Variants in PRKAG3 observed in about 807,000 individuals in gnomAD.
PRKAG3 encodes the protein protein kinase AMP-activated non-catalytic subunit gamma 3, also known as 5'-AMP-activated protein kinase subunit gamma-3.
PRKAG3 carries 39 observed loss-of-function variants against 56.5 expected under a neutral mutation model. The observed-to-expected ratio is 0.69, with a 90% CI of 0.53 to 0.90. The LOEUF is 0.90. Among genes scored for constraint, PRKAG3 ranks in the 40% least tolerant of loss-of-function variants. The pLI is 0.00. For synonymous variants in PRKAG3, 243 were observed against 250.1 expected (o/e 0.97, Z 0.27); for missense variants, 628 against 627.5 (o/e 1.00, Z -0.01).
In PRKAG3 at chr2:218,830,088, C is replaced by T. The variant is rs202071156; in HGVS notation, c.523G>A (p.Glu175Lys). The T allele has an allele frequency of 7.4e-6, 12 of 1,612,738 alleles. No homozygotes were observed. In the East Asian group the frequency reaches 8.9e-5, roughly 12 times the overall value. ...ATCTGGGCGCCGGGTTTCCGCAGTT[C>T]GTCATCCCAGCCCAGCTTGGGAAAT... Residue 175 changes from glutamate (E) to lysine (K), a missense_variant, in exon 4 of 13, where the codon GAA (glutamate) becomes AAA (lysine). Coordinates refer to ENST00000529249, the Ensembl canonical transcript of PRKAG3.
At chr2:218,829,126 C>T (rs543188884) in intron 4 of PRKAG3, among the ~76,000 whole-genome samples, 6 of 152,162 alleles carry the variant, frequency 3.9e-5, no homozygotes, top group Admixed American at 1.3e-4. Flanking sequence ...TATTTTTTCA[C>T]GAACCATTAG....
chr2:218,825,905 C>T (rs938881898), intron 10 of PRKAG3, among the ~76,000 whole-genome samples: 12 of 151,486 alleles, frequency 7.9e-5, no homozygotes, highest in African/African-American at 2.2e-4. Context: ...TAGAGGTGTG[C>T]GCCACCATGC....
intron 1 of PRKAG3, 150 bp downstream of exon 1, chr2:218,831,588 T>C: frequency 1.8e-6 from 2 of 1,122,936 alleles, no homozygotes; most frequent in Admixed American, 4.1e-5. Context: ...ACAATACATA[T>C]GCCCAAACAT....
At position 218,827,385 on chromosome 2, in the gene PRKAG3, G is replaced by T; in HGVS notation, c.876-12C>A. ...CAGCTTCAAACAGGCTGCAGAGATG[G>T]GAGCAGTGAGCCTCGGGGCAGCCTA... On this transcript the variant is annotated splice_polypyrimidine_tract_variant and intron_variant, in intron 8 of 12. Coordinates refer to ENST00000529249, the Ensembl canonical transcript of PRKAG3. The surrounding 1 kb of genome is among the most constrained non-coding windows in gnomAD (Gnocchi z 5.3). 1 of 1,614,084 alleles carries T rather than the reference G, an allele frequency of 6.2e-7. No homozygotes were observed. The highest frequency in any genetic ancestry group is 1.1e-5 in the South Asian group (1 of 91,056).
At chr2:218,829,586 A>G (rs572393216) in intron 4 of PRKAG3, among the ~76,000 whole-genome samples, 1 of 151,912 alleles carries the variant, frequency 6.6e-6, no homozygotes, top group East Asian at 1.9e-4. Flanking sequence ...TCGACCTCCT[A>G]AAGTGCTGGG....
At chr2:218,828,151 TC>T in intron 5 of PRKAG3, 89 bp from the exon 6 acceptor site, 1 of 1,244,536 alleles carries the variant, frequency 8.0e-7, no homozygotes, top group Non-Finnish European at 1.1e-6. Flanking sequence ...CCTGCCAGTG[TC>T]CTTGTGCTGA....
exon 13 of PRKAG3, chr2:218,823,788 C>T (rs1316864749): frequency 6.2e-7 from 1 of 1,613,988 alleles, no homozygotes; most frequent in African/African-American, 1.3e-5. Flanking sequence ...TCGATGCCAG[C>T]AGGGCTGAGC....
chr2:218,828,871 G>A (rs565851974), intron 4 of PRKAG3, among the ~76,000 whole-genome samples: 1 of 152,360 alleles, frequency 6.6e-6, no homozygotes, highest in East Asian at 1.9e-4. Context: ...ACACCAGGGA[G>A]TGAGAAATTC....
intron 2 of PRKAG3, 53 bp downstream of exon 2, chr2:218,831,283 G>T (rs1160991569): frequency 1.4e-6 from 2 of 1,394,804 alleles, no homozygotes; most frequent in Non-Finnish European, 2.0e-6. Flanking sequence ...AAAAGTGGGG[G>T]ACAAGGAGGT....
chr2:218,828,396 GC>G, intron 5 of PRKAG3, 122 bp downstream of exon 5: 2 of 1,064,818 alleles, frequency 1.9e-6, no homozygotes, highest in Non-Finnish European at 1.3e-6. Context: ...CTCCACCCTG[GC>G]CCCTGGCTGG....
In PRKAG3 at chr2:218,827,813, G is replaced by C. The variant is rs754670730; in HGVS notation, c.820+20C>G. On this transcript the variant is annotated intron_variant, in intron 7 of 12. Transcript: ENST00000529249. The surrounding 1 kb of genome is among the most constrained non-coding windows in gnomAD (Gnocchi z 5.3). ...CCCACCATCACCAACAGCCCTTTCCGGGTTCCTCTCCCCACTCACCCCTCC... is the reference window on the plus strand; with the variant it reads ...CCCACCATCACCAACAGCCCTTTCCCGGTTCCTCTCCCCACTCACCCCTCC... The C allele has an allele frequency of 3.1e-6, 5 of 1,611,062 alleles. No individual in the cohort carries two copies. In the African/African-American group the frequency reaches 4.0e-5, roughly 13 times the overall value.
chr2:218,830,181 C>T, exon 4 of PRKAG3: 1 of 1,614,166 alleles, frequency 6.2e-7, no homozygotes, highest in Non-Finnish European at 8.5e-7. Context: ...CACTCCCAGG[C>T]CTCTGTGGCT....
intron 3 of PRKAG3, 133 bp downstream of exon 3, chr2:218,830,613 A>G: frequency 8.1e-7 from 1 of 1,233,486 alleles, no homozygotes; most frequent in Admixed American, 2.5e-5. Flanking sequence ...ATGTAGGGAG[A>G]CTGAGGCCAC....
chr2:218,829,152 T>C (rs1015506883), intron 4 of PRKAG3, among the ~76,000 whole-genome samples: 2 of 152,164 alleles, frequency 1.3e-5, no homozygotes, highest in Admixed American at 6.5e-5. Context: ...AAATGCATGC[T>C]ATGGACAATA....
At position 218,824,536 on chromosome 2, in the gene PRKAG3, T is replaced by TA; in HGVS notation, c.1206+2dup. On this transcript the variant is annotated splice_region_variant and intron_variant, in intron 11 of 12. Coordinates refer to ENST00000529249, the Ensembl canonical transcript of PRKAG3. ...AGCATCCCACCTTTCCAGCGACACT[T>TA]ACAATCACATCAAAGCGGGAATAGA... 1 of 1,612,474 alleles carries TA rather than the reference T, an allele frequency of 6.2e-7. No individual in the cohort carries two copies. The highest frequency in any genetic ancestry group is 8.5e-7 in the Non-Finnish European group (1 of 1,178,576).
At chr2:218,831,704 T>G (rs1944022369) in intron 1 of PRKAG3, 34 bp downstream of exon 1, 1 of 1,603,652 alleles carries the variant, frequency 6.2e-7, no homozygotes, top group South Asian at 1.1e-5. Flanking sequence ...TGGCCTCAGC[T>G]GCCCCGGCTC....
chr2:218,829,942 A>G (rs1199864663), intron 4 of PRKAG3, 36 bp downstream of exon 4: 2 of 1,599,942 alleles, frequency 1.3e-6, no homozygotes, highest in African/African-American at 2.7e-5. Flanking sequence ...GTGTGGATGG[A>G]GAGTGAGTAC....
rs1017573983 is a variant in PRKAG3, at chr2:218,830,382, C to G, written c.230-1G>C. 6.2e-7 allele frequency: 1 copy of G among 1,606,390 alleles called. No individual in the cohort carries two copies. The highest frequency in any genetic ancestry group is 1.3e-5 in the African/African-American group (1 of 74,838). On this transcript the variant is annotated splice_acceptor_variant, in intron 3 of 12. Transcript: ENST00000529249. LOFTEE classifies it high-confidence loss of function. Reference sequence around the variant, plus strand: ...TCAGCAGCTGGCCTGGACCGGGGACCTGTTTGGGGGAGGAGGGGAAGAGGA... The same window carrying G: ...TCAGCAGCTGGCCTGGACCGGGGACGTGTTTGGGGGAGGAGGGGAAGAGGA...
chr2:218,823,319 A>G (rs540653338), downstream of PRKAG3: 7 of 237,374 alleles, frequency 2.9e-5, no homozygotes, highest in South Asian at 3.5e-4. Context: ...CATCCAACAA[A>G]TGTTGATATA....
Sources: gnomAD v4.1 joint callset for allele counts (sites outside exome capture counted in the v4.1 genomes callset) on GRCh38, gnomAD v4.1.1 for gene constraint, Gnocchi (gnomAD v3.1) non-coding constraint, MANE v1.5 for transcripts, NCBI Gene and HGNC (gene_info 2026-07-23, HGNC 2026-07-21) for gene names.